Variants in DISP1 observed in about 807,000 individuals in gnomAD.
DISP1 encodes the protein protein dispatched homolog 1.
In DISP1, 30 loss-of-function variants were observed where a neutral mutation model predicts 37.3. The ratio of observed to expected loss-of-function variants is 0.80; its 90% CI spans 0.60 to 1.09. DISP1 has a LOEUF of 1.09. Ranked by LOEUF, DISP1 falls within the 50% of genes least tolerant of loss-of-function variation. DISP1 has a pLI of 0.00. For synonymous variants in DISP1, 634 were observed against 690.2 expected (o/e 0.92, Z 1.28); for missense variants, 1,598 against 1,879.5 (o/e 0.85, Z 2.77).
intron 1 of DISP1, among the ~76,000 whole-genome samples, chr1:222,926,794 C>CA (rs907657419): frequency 3.7e-4 from 55 of 149,632 alleles, no homozygotes; most frequent in Non-Finnish European, 7.1e-4. Context: ...GTGAACTCAC[C>CA]AAAAAAAAAG....
intron 1 of DISP1, among the ~76,000 whole-genome samples, chr1:222,879,112 G>A (rs1351262355): frequency 6.6e-6 from 1 of 152,040 alleles, no homozygotes; most frequent in East Asian, 1.9e-4. Context: ...ACTGAAACTG[G>A]CCCTCTTAGG....
intron 3 of DISP1, among the ~76,000 whole-genome samples, chr1:222,948,988 C>G (rs942806956): frequency 5.9e-5 from 9 of 152,168 alleles, no homozygotes; most frequent in Non-Finnish European, 1.0e-4. Flanking sequence ...ATAGTAGACT[C>G]TCTTTCATCC....
rs78265352 is a variant in DISP1 at position 222,857,205 on chromosome 1, A to G, written c.-159+42127A>G. 1.3e-4 allele frequency among the ~76,000 whole-genome samples: 20 copies of G among 152,282 alleles called. No homozygotes were observed. The East Asian group carries it at 3.7e-3, about 28-fold the overall frequency. ...CTAGAGTTTGAGGCTGTAGTATACCATGATTACATCTGTAAATAGCTACTG... is the reference window on the plus strand; with the variant it reads ...CTAGAGTTTGAGGCTGTAGTATACCGTGATTACATCTGTAAATAGCTACTG... On this transcript the variant is annotated intron_variant, in intron 1 of 8. Coordinates refer to ENST00000675850, the MANE Select transcript of DISP1 (RefSeq NM_001377229.1).
At position 223,003,687 on chromosome 1, in the gene DISP1, T is replaced by C. The variant is rs1572749544; in HGVS notation, c.2290T>C (p.Tyr764His). The change falls in exon 9 of 9, where the codon TAT (tyrosine) becomes CAT (histidine). Residue 764 changes from tyrosine (Y) to histidine (H), a missense_variant. Transcript: ENST00000675850. The surrounding 1 kb of genome is among the most constrained non-coding windows in gnomAD (Gnocchi z 4.3). ...CCGGTCGTCCCATCCTTTTGAGCGT[T>C]ATGATGCTGAATACAAAAAGCTTTT... The part of the protein sequence containing the change: ...VFRSSHPFER[Y>H]DAEYKKLFMF... 6.2e-7 allele frequency: 1 copy of C among 1,614,142 alleles called. No individual in the cohort carries two copies. The highest frequency in any genetic ancestry group is 1.3e-5 in the African/African-American group (1 of 75,024).
intron 1 of DISP1, among the ~76,000 whole-genome samples, chr1:222,902,626 A>T (rs914439025): frequency 1.3e-5 from 2 of 152,192 alleles, no homozygotes; most frequent in Admixed American, 1.3e-4. Context: ...CAACCCCATA[A>T]AAAAGTGGGC....
Position 223,005,030 on chromosome 1 carries a change from A to G in DISP1, c.3633A>G (p.Glu1211=), listed in dbSNP as rs538677166. 1 of 1,614,192 alleles carries G rather than the reference A, an allele frequency of 6.2e-7. No individual in the cohort carries two copies. Among genetic ancestry groups the G allele is most frequent in the East Asian group, 2.2e-5 (1 of 44,884 alleles). ...SCTAPEKTTY[E]ETHICSEFFN... is the part of the protein sequence containing the mutation. ...CTGCCCCTGAGAAGACCACTTATGAAGAGACCCACATCTGCTCTGAATTTT... is the reference window on the plus strand; with the variant it reads ...CTGCCCCTGAGAAGACCACTTATGAGGAGACCCACATCTGCTCTGAATTTT... Residue 1211 remains glutamate, a synonymous_variant, in exon 9 of 9, where the codon GAA becomes GAG. Coordinates refer to ENST00000675850, the MANE Select transcript of DISP1 (RefSeq NM_001377229.1).
chr1:222,823,924 C>T (rs1348698408), intron 1 of DISP1: 1 of 150,014 alleles, frequency 6.7e-6, no homozygotes, highest in Admixed American at 6.7e-5. Flanking sequence ...GGAGACAGGA[C>T]CTTTTTCAAC....
intron 1 of DISP1, among the ~76,000 whole-genome samples, chr1:222,907,047 G>A (rs1040790931): frequency 6.6e-6 from 1 of 152,156 alleles, no homozygotes; most frequent in African/African-American, 2.4e-5. Context: ...AATATTTATT[G>A]AATGAATGAA....
At chr1:222,848,143 A>T (rs1337703991) in intron 1 of DISP1, among the ~76,000 whole-genome samples, 1 of 152,154 alleles carries the variant, frequency 6.6e-6, no homozygotes, top group Admixed American at 6.6e-5. Flanking sequence ...TTGATTTGAA[A>T]TGCCATCTCC....
Position 223,003,514 on chromosome 1 carries a change from T to C in DISP1, c.2117T>C (p.Phe706Ser). The C allele has an allele frequency of 6.2e-7, 1 of 1,614,196 alleles. No homozygotes were observed. The highest frequency in any genetic ancestry group is 8.5e-7 in the Non-Finnish European group (1 of 1,180,026). Residue 706 changes from phenylalanine to serine, a missense_variant, in exon 9 of 9, where the codon TTC (phenylalanine) becomes TCC (serine). Transcript: ENST00000675850. This position sits in a 1 kb window ranked among gnomAD's most constrained non-coding sequence, Gnocchi z 4.3. ...FAISEASRIF[F>S]EKVLPCIVIK... ...ATTTCAGAAGCATCTCGAATTTTTT[T>C]CGAAAAAGTATTGCCATGCATTGTC... is the stretch of plus-strand genomic sequence containing the variant.
intron 2 of DISP1, among the ~76,000 whole-genome samples, chr1:222,932,447 T>G (rs1352642493): frequency 1.3e-5 from 2 of 151,998 alleles, no homozygotes; most frequent in African/African-American, 2.4e-5. Context: ...AGAGTCTAAT[T>G]AAATGTTTTG....
At chr1:222,930,312 G>C (rs2125456220) in intron 2 of DISP1, among the ~76,000 whole-genome samples, 1 of 151,944 alleles carries the variant, frequency 6.6e-6, no homozygotes, top group African/African-American at 2.4e-5. Flanking sequence ...TCCTATTTTT[G>C]AAAAAATACA....
intron 1 of DISP1, among the ~76,000 whole-genome samples, chr1:222,839,460 C>T (rs1009084910): frequency 2.6e-5 from 4 of 152,288 alleles, no homozygotes; most frequent in Non-Finnish European, 2.9e-5. Flanking sequence ...TGTCTCTTTC[C>T]AAAGAAGAGT....
intron 3 of DISP1, among the ~76,000 whole-genome samples, chr1:222,978,568 T>A (rs1677585115): frequency 6.6e-6 from 1 of 152,234 alleles, no homozygotes; most frequent in Non-Finnish European, 1.5e-5. Context: ...CCATTGCTTT[T>A]GGTGTTTTAG....
chr1:222,864,921 T>TG (rs1239285226), intron 1 of DISP1, among the ~76,000 whole-genome samples: 1 of 152,180 alleles, frequency 6.6e-6, no homozygotes, highest in Non-Finnish European at 1.5e-5. Context: ...GTGAGTAATT[T>TG]GGGGAAAAGC....
intron 1 of DISP1, among the ~76,000 whole-genome samples, chr1:222,918,087 A>T (rs1330643046): frequency 1.3e-5 from 2 of 152,198 alleles, no homozygotes; most frequent in Non-Finnish European, 2.9e-5. Flanking sequence ...AAATGTCATC[A>T]AAACGGCACC....
chr1:222,896,064 G>A (rs1026648240), intron 1 of DISP1, among the ~76,000 whole-genome samples: 1 of 150,044 alleles, frequency 6.7e-6, no homozygotes, highest in South Asian at 2.1e-4. Flanking sequence ...AATCCCAGCA[G>A]TTTGGGAGGT....
intron 3 of DISP1, chr1:222,945,614 G>A (rs1674711982): frequency 6.7e-6 from 1 of 149,962 alleles, no homozygotes; most frequent in Non-Finnish European, 1.5e-5. Flanking sequence ...TGAGATCCCT[G>A]TGTACACTTG....
chr1:222,983,795 A>G (rs1317885307), intron 4 of DISP1, among the ~76,000 whole-genome samples: 7 of 152,162 alleles, frequency 4.6e-5, no homozygotes, highest in Non-Finnish European at 8.8e-5. Flanking sequence ...CTTGTTACCA[A>G]TGGAAGTATT....
Sources: allele counts gnomAD v4.1 joint callset (sites outside exome capture counted in the v4.1 genomes callset), GRCh38; gene constraint gnomAD v4.1.1; non-coding constraint Gnocchi (gnomAD v3.1); transcripts MANE v1.5; gene names NCBI Gene and HGNC (gene_info 2026-07-23, HGNC 2026-07-21).